Variants in FNDC1 observed in about 807,000 individuals in gnomAD.
FNDC1 encodes fibronectin type III domain containing 1, also known as fibronectin type III domain-containing protein 1.
In FNDC1, 96 loss-of-function variants were observed where a neutral mutation model predicts 168.0. That is an observed-to-expected ratio of 0.57 (90% CI 0.48 to 0.68). The LOEUF (loss-of-function observed/expected upper bound fraction) is 0.68, where lower values mean the gene tolerates loss of function less well. Among genes scored for constraint, FNDC1 ranks in the 30% least tolerant of loss-of-function variants. The pLI is 0.00. For synonymous variants in FNDC1, 1,099 were observed against 1,025.9 expected (o/e 1.07, Z -1.36); for missense variants, 2,587 against 2,482.1 (o/e 1.04, Z -0.90).
At chr6:159,221,199 G>C (rs940797085) in intron 5 of FNDC1, among the ~76,000 whole-genome samples, 1 of 152,162 alleles carries the variant, frequency 6.6e-6, no homozygotes, top group Non-Finnish European at 1.5e-5. Context: ...TAAAAACAGA[G>C]TAACCTCCTC....
At chr6:159,183,183 T>C (rs1471177788) in intron 1 of FNDC1, among the ~76,000 whole-genome samples, 2 of 152,204 alleles carry the variant, frequency 1.3e-5, no homozygotes, top group African/African-American at 2.4e-5. Context: ...CATAGAAAAA[T>C]GGACTAAGTT....
At chr6:159,187,278 T>C (rs1188138383) in intron 1 of FNDC1, among the ~76,000 whole-genome samples, 1 of 152,202 alleles carries the variant, frequency 6.6e-6, no homozygotes, top group Non-Finnish European at 1.5e-5. Flanking sequence ...TAGGACACGA[T>C]CTGCTTCCAT....
In FNDC1 at chr6:159,261,247, G is replaced by A. The variant is rs769108242; in HGVS notation, c.5232G>A (p.Ser1744=). The change falls in exon 19 of 23, where the codon TCG becomes TCA. Residue 1744 remains serine (S), a synonymous_variant. Transcript: ENST00000297267. ...NPHGYGPISP[S]VSFVTESDNP... The stretch of plus-strand genomic sequence containing the variant: ...ATGGCTACGGACCTATCAGCCCTTC[G>A]GTCTCATTTGTCACCGAATCAGGTA... The A allele has an allele frequency of 8.9e-5, 143 of 1,612,176 alleles. No homozygotes were observed. Among genetic ancestry groups the A allele is most frequent in the Non-Finnish European group, 1.1e-4 (132 of 1,179,104 alleles).
At chr6:159,173,178 G>A (rs547906580) in intron 1 of FNDC1, among the ~76,000 whole-genome samples, 42 of 152,220 alleles carry the variant, frequency 2.8e-4, no homozygotes, top group Admixed American at 1.0e-3. Context: ...CAAAATGTTT[G>A]AGACACACTG....
Position 159,192,472 on chromosome 6 carries a change from G to T in FNDC1, c.110-4959G>T, listed in dbSNP as rs192235785. 1.4e-3 allele frequency among the ~76,000 whole-genome samples: 214 copies of T among 152,256 alleles called. No homozygotes were observed. The Middle Eastern group carries it at 0.017, about 12-fold the overall frequency. On this transcript the variant is annotated intron_variant, in intron 1 of 22. Coordinates refer to ENST00000297267, the MANE Select transcript of FNDC1 (RefSeq NM_032532.3). The stretch of plus-strand genomic sequence containing the variant: ...CCTTCTCTTTATTCTGAGAAATAGT[G>T]CTTGACAGAGTTCCCTTGAGAGGAA...
chr6:159,231,796 A>G, intron 10 of FNDC1, 86 bp from the exon 11 acceptor site: 1 of 1,103,606 alleles, frequency 9.1e-7, no homozygotes, highest in South Asian at 1.7e-5. Context: ...AAATGCCTCC[A>G]TATGCTGTTT....
intron 9 of FNDC1, among the ~76,000 whole-genome samples, chr6:159,227,587 A>G (rs182188131): frequency 4.0e-5 from 6 of 150,210 alleles, no homozygotes; most frequent in Non-Finnish European, 3.0e-5. Context: ...TGTATTTTCT[A>G]TACTTCACGT....
Position 159,232,580 on chromosome 6 carries a change from G to A in FNDC1, c.2068G>A (p.Gly690Ser), listed in dbSNP as rs201217930. 119 of 1,608,958 alleles carry A rather than the reference G, an allele frequency of 7.4e-5. No homozygotes were observed. The highest frequency in any genetic ancestry group is 8.0e-5 in the African/African-American group (6 of 74,806). ...VLRDRSSVHP[G>S]AKPASPARRT... is the part of the protein sequence containing the mutation. Reference sequence around the variant, plus strand: ...CCGCGACAGAAGCTCTGTGCACCCCGGCGCAAAGCCAGCCTCGCCGGCCCG... The same window carrying A: ...CCGCGACAGAAGCTCTGTGCACCCCAGCGCAAAGCCAGCCTCGCCGGCCCG... The change falls in exon 11 of 23, where the codon GGC becomes AGC. Residue 690 changes from glycine to serine, a missense_variant. Physicochemically the swap from Gly to Ser is moderately conservative, Grantham distance 56. Transcript: ENST00000297267. This position sits in a 1 kb window ranked among gnomAD's most constrained non-coding sequence, Gnocchi z 4.9.
rs1037815212 is a variant in FNDC1, at chr6:159,169,774, C to G, written c.109+69C>G. 1.7e-6 allele frequency: 1 copy of G among 596,824 alleles called. No individual in the cohort carries two copies. Among genetic ancestry groups the G allele is most frequent in the Admixed American group, 5.2e-5 (1 of 19,162 alleles). 37.0% of individuals were successfully genotyped at this position (596,824 alleles called of 1,614,324 possible). A position where few individuals can be genotyped will look rare whatever the true frequency, so the allele number is the denominator to read the frequency against. On this transcript the variant is annotated intron_variant, in intron 1 of 22. Transcript: ENST00000297267. The surrounding 1 kb of genome is among the most constrained non-coding windows in gnomAD (Gnocchi z 6.8). ...GCACCCTCCTGCGCTCGGGCCCCGT[C>G]GTCCCGCTCAGTGCTGGCTACGGGT...
At chr6:159,265,704 C>A (rs745325840) in intron 20 of FNDC1, among the ~76,000 whole-genome samples, 1 of 151,990 alleles carries the variant, frequency 6.6e-6, no homozygotes, top group African/African-American at 2.4e-5. Context: ...CCAAGGTGGG[C>A]GGATTGCGAG....
Position 159,264,975 on chromosome 6 carries a change from A to ATAATCC in FNDC1, c.5257_5262dup (p.Asn1753_Pro1754dup). ...CCATTATTTCTTTTTCATTCTACAG[A>ATAATCC]TAATCCTCTGCTTGTTGTGAGGCCC... On this transcript the variant is annotated inframe_insertion and splice_region_variant, in exon 20 of 23. Coordinates refer to ENST00000297267, the MANE Select transcript of FNDC1 (RefSeq NM_032532.3). 1.2e-6 allele frequency: 2 copies of ATAATCC among 1,604,832 alleles called. No homozygotes were observed. The highest frequency in any genetic ancestry group is 1.7e-6 in the Non-Finnish European group (2 of 1,174,890).
chr6:159,226,637 T>C, intron 9 of FNDC1, 57 bp downstream of exon 9: 1 of 1,332,690 alleles, frequency 7.5e-7, no homozygotes, highest in Non-Finnish European at 1.0e-6. Flanking sequence ...ACATGGCCTC[T>C]GCTTACGGCT....
chr6:159,216,800 C>T (rs1400887875), intron 5 of FNDC1, among the ~76,000 whole-genome samples: 1 of 152,236 alleles, frequency 6.6e-6, no homozygotes, highest in African/African-American at 2.4e-5. Context: ...GGGCTTTCAG[C>T]CCCCACAAAT....
intron 17 of FNDC1, among the ~76,000 whole-genome samples, chr6:159,252,804 G>A (rs901282173): frequency 6.6e-6 from 1 of 152,208 alleles, no homozygotes; most frequent in African/African-American, 2.4e-5. Context: ...ACTTTAAGCT[G>A]TTTAGCTTTT....
At chr6:159,219,756 GA>G (rs1313401767) in intron 5 of FNDC1, among the ~76,000 whole-genome samples, 1 of 152,088 alleles carries the variant, frequency 6.6e-6, no homozygotes, top group African/African-American at 2.4e-5. Flanking sequence ...AGAACTTTAA[GA>G]AATACATTGA....
intron 4 of FNDC1, among the ~76,000 whole-genome samples, chr6:159,201,556 G>A (rs1782378762): frequency 6.6e-6 from 1 of 152,210 alleles, no homozygotes. Flanking sequence ...AACGAGACAT[G>A]GACTTAGGAG....
chr6:159,256,996 A>G (rs768818967), intron 18 of FNDC1, among the ~76,000 whole-genome samples: 7 of 152,254 alleles, frequency 4.6e-5, no homozygotes, highest in Non-Finnish European at 8.8e-5. Flanking sequence ...TGCAATCACT[A>G]AACACTTAAA....
chr6:159,256,080 C>T (rs995153830), intron 17 of FNDC1, among the ~76,000 whole-genome samples: 2 of 152,230 alleles, frequency 1.3e-5, no homozygotes, highest in East Asian at 1.9e-4. Flanking sequence ...TGTGGGGTCT[C>T]TCAGCCCCGC....
intron 22 of FNDC1, among the ~76,000 whole-genome samples, chr6:159,270,335 A>T (rs1421859998): frequency 8.5e-5 from 13 of 152,268 alleles, no homozygotes; most frequent in Admixed American, 5.2e-4. Context: ...AATAGTTTAC[A>T]AAAACATTTA....
Sources: allele counts gnomAD v4.1 joint callset (sites outside exome capture counted in the v4.1 genomes callset), GRCh38; gene constraint gnomAD v4.1.1; non-coding constraint Gnocchi (gnomAD v3.1); transcripts MANE v1.5; gene names NCBI Gene and HGNC (gene_info 2026-07-23, HGNC 2026-07-21).